Variants in AFG1L observed in about 807,000 individuals in gnomAD.
The protein encoded by AFG1L is AFG1-like ATPase.
A neutral mutation model predicts 62.2 loss-of-function variants in AFG1L; 53 were observed. That is an observed-to-expected ratio of 0.85 (90% confidence interval 0.68 to 1.07). The LOEUF (loss-of-function observed/expected upper bound fraction) is 1.07, where lower values mean the gene tolerates loss of function less well. Among genes scored for constraint, AFG1L ranks in the 50% least tolerant of loss-of-function variants. The probability of loss-of-function intolerance (pLI) is 0.00; values close to 1 mark genes in which losing one functional copy is unlikely to be tolerated. For missense variants in AFG1L, 555 were observed against 590.5 expected, an observed-to-expected ratio of 0.94 and a Z score of 0.62; for synonymous variants, 228 against 210.3, an observed-to-expected ratio of 1.08 and a Z score of -0.73.
chr6:108,465,164 G>A (rs941406212), intron 8 of AFG1L, among the ~76,000 whole-genome samples: 1 of 152,236 alleles, frequency 6.6e-6, no homozygotes, highest in South Asian at 2.1e-4. Flanking sequence ...AAAGCTGAAC[G>A]GGATATTTTC....
In AFG1L at chr6:108,522,662, T is replaced by C. The variant is rs1352659217; in HGVS notation, c.*237T>C. 2 of 306,446 alleles carry C rather than the reference T, an allele frequency of 6.5e-6. No homozygotes were observed. Among genetic ancestry groups the C allele is most frequent in the African/African-American group, 2.2e-5 (1 of 46,494 alleles). The allele number at this position is 306,446 out of a possible 1,614,324, so 19.0% of individuals were successfully genotyped here. Reference sequence around the variant, plus strand: ...TCTGCACCATGAAATTAAAATCATCTCATTCCTGAAGATGAATGTAGGACC... The same window carrying C: ...TCTGCACCATGAAATTAAAATCATCCCATTCCTGAAGATGAATGTAGGACC... On this transcript the variant is annotated 3_prime_UTR_variant, in exon 13 of 13. Transcript: ENST00000368977.
rs1249396609 is a variant in AFG1L, at chr6:108,430,186, G to A, written c.808-17028G>A. On this transcript the variant is annotated intron_variant, in intron 7 of 12. Coordinates refer to ENST00000368977, the MANE Select transcript of AFG1L (RefSeq NM_145315.5). Reference sequence around the variant, plus strand: ...TGATCTCAAACTCCTGACCTCAAATGTTCCACCCGCCTTGGCCTCTAAAGT... The same window carrying A: ...TGATCTCAAACTCCTGACCTCAAATATTCCACCCGCCTTGGCCTCTAAAGT... Among the ~76,000 whole-genome samples the A allele has an allele frequency of 2.6e-5, 4 of 152,228 alleles. 1 individual carries two copies. The highest frequency in any genetic ancestry group is 2.6e-4 in the Admixed American group (4 of 15,278).
At chr6:108,479,477 G>A (rs559675292) in intron 10 of AFG1L, among the ~76,000 whole-genome samples, 33 of 152,296 alleles carry the variant, frequency 2.2e-4, no homozygotes, top group South Asian at 8.3e-4. Context: ...AGGCATTGAC[G>A]TGATAAGTGG....
chr6:108,298,305 A>C (rs1776848705), intron 1 of AFG1L, among the ~76,000 whole-genome samples: 1 of 135,680 alleles, frequency 7.4e-6, no homozygotes, highest in Non-Finnish European at 1.5e-5. Flanking sequence ...TCGCTCTGTC[A>C]CCCAGGCTGT....
At chr6:108,356,856 T>G in intron 5 of AFG1L, 36 bp downstream of exon 5, 2 of 1,543,348 alleles carry the variant, frequency 1.3e-6, no homozygotes, top group Non-Finnish European at 1.8e-6. Context: ...TAGAATGGTA[T>G]ATTGAATGAG....
chr6:108,509,350 A>T (rs1217500183), intron 10 of AFG1L, among the ~76,000 whole-genome samples: 1 of 152,220 alleles, frequency 6.6e-6, no homozygotes, highest in Non-Finnish European at 1.5e-5. Flanking sequence ...TAAGCCCTTC[A>T]GTATTTCCTA....
rs56005804 is a variant in AFG1L, at chr6:108,366,292, C to T, written c.708C>T (p.Asn236=). The change falls in exon 6 of 13, where the codon AAC becomes AAT. Residue 236 remains asparagine (N), a synonymous_variant. Transcript: ENST00000368977. The part of the protein sequence containing the change: ...LKQLFENLFK[N]GVVVVATSNR... Reference sequence around the variant, plus strand: ...AGCTTTTTGAAAATCTGTTCAAAAACGGGGTCGTCGTTGTGGCAACATCCA... The same window carrying T: ...AGCTTTTTGAAAATCTGTTCAAAAATGGGGTCGTCGTTGTGGCAACATCCA... 0.023 allele frequency: 36,982 copies of T among 1,611,564 alleles called. 581 individuals are homozygous for T. The highest frequency in any genetic ancestry group is 0.065 in the Middle Eastern group (391 of 6,050).
At chr6:108,485,656 ATTTTTTTTTT>A (rs397842829) in intron 10 of AFG1L, among the ~76,000 whole-genome samples, 5 of 25,032 alleles carry the variant, frequency 2.0e-4, no homozygotes, top group East Asian at 1.5e-3. Context: ...ATATATATAT[ATTTTTTTTTT>A]TTTTTTTTTT....
chr6:108,478,298 G>C (rs566385521), intron 10 of AFG1L, among the ~76,000 whole-genome samples: 1 of 152,088 alleles, frequency 6.6e-6, no homozygotes, highest in Non-Finnish European at 1.5e-5. Flanking sequence ...TTAGCCGGGC[G>C]TTGTGGCGGG....
chr6:108,489,734 T>C (rs1773705947), intron 10 of AFG1L, among the ~76,000 whole-genome samples: 1 of 152,220 alleles, frequency 6.6e-6, no homozygotes, highest in African/African-American at 2.4e-5. Flanking sequence ...TCAGTCTGAA[T>C]AACCAGAGAA....
intron 10 of AFG1L, among the ~76,000 whole-genome samples, chr6:108,481,586 C>G (rs1436911933): frequency 6.6e-6 from 1 of 151,828 alleles, no homozygotes; most frequent in East Asian, 1.9e-4. Flanking sequence ...TGATCATATA[C>G]TCACAGTAAA....
Position 108,323,332 on chromosome 6 carries a change from TTAAAA to T in AFG1L, c.140-487_140-483del, listed in dbSNP as rs749109320. Reference sequence around the variant, plus strand: ...TGGGTTTGGGGTTTGTTTCCTTTTGTTAAAATAAAACAATTAGAAATATATTCATT... The same window carrying T: ...TGGGTTTGGGGTTTGTTTCCTTTTGTTAAAACAATTAGAAATATATTCATT... On this transcript the variant is annotated intron_variant, in intron 1 of 12. Coordinates refer to ENST00000368977, the MANE Select transcript of AFG1L (RefSeq NM_145315.5). Among the ~76,000 whole-genome samples, 7 of 152,318 alleles carry T rather than the reference TTAAAA, an allele frequency of 4.6e-5. No individual in the cohort carries two copies. In the South Asian group the frequency reaches 6.2e-4, roughly 14 times the overall value.
At chr6:108,453,046 C>G (rs1246727094) in intron 8 of AFG1L, among the ~76,000 whole-genome samples, 1 of 152,172 alleles carries the variant, frequency 6.6e-6, no homozygotes, top group Non-Finnish European at 1.5e-5. Flanking sequence ...TCTCTCCCAA[C>G]AGGGGGCATT....
At chr6:108,456,411 A>T (rs1410421286) in intron 8 of AFG1L, among the ~76,000 whole-genome samples, 1 of 152,018 alleles carries the variant, frequency 6.6e-6, no homozygotes, top group Non-Finnish European at 1.5e-5. Flanking sequence ...GGATATTTAA[A>T]CCATTTACAC....
chr6:108,297,712 G>A (rs192449642), intron 1 of AFG1L, among the ~76,000 whole-genome samples: 1 of 151,630 alleles, frequency 6.6e-6, no homozygotes. Flanking sequence ...AAACTTAGCC[G>A]GGTGTGGTGG....
chr6:108,505,866 A>G (rs1255395838), intron 10 of AFG1L, among the ~76,000 whole-genome samples: 1 of 152,248 alleles, frequency 6.6e-6, no homozygotes, highest in Non-Finnish European at 1.5e-5. Flanking sequence ...GGTGCATTTA[A>G]AGTATCAGAA....
rs978020007 is a variant in AFG1L, at chr6:108,377,057, CT to C, written c.748+10733del. Among the ~76,000 whole-genome samples the C allele has an allele frequency of 2.1e-4, 32 of 151,306 alleles. 1 individual carries two copies. Among genetic ancestry groups the C allele is most frequent in the South Asian group, 2.1e-4 (1 of 4,776 alleles). On this transcript the variant is annotated intron_variant, in intron 6 of 12. Transcript: ENST00000368977. ...AATCTGATAATAAGATTTTTTTGGTCTTTTTTTTCTGCCTTTTTTTTTGGTT... is the reference window on the plus strand; with the variant it reads ...AATCTGATAATAAGATTTTTTTGGTCTTTTTTTCTGCCTTTTTTTTTGGTT...
chr6:108,413,296 A>G (rs1034822852), intron 7 of AFG1L, among the ~76,000 whole-genome samples: 2 of 152,226 alleles, frequency 1.3e-5, no homozygotes, highest in African/African-American at 4.8e-5. Context: ...AAAGAGACTT[A>G]GACTCCCACA....
chr6:108,330,763 C>T (rs1778247599), intron 2 of AFG1L, among the ~76,000 whole-genome samples: 1 of 152,146 alleles, frequency 6.6e-6, no homozygotes. Flanking sequence ...GTACTGACTG[C>T]CCATTTTCGT....
Sources: gnomAD v4.1 joint callset for allele counts (sites outside exome capture counted in the v4.1 genomes callset) on GRCh38, gnomAD v4.1.1 for gene constraint, MANE v1.5 for transcripts, NCBI Gene and HGNC (gene_info 2026-07-23, HGNC 2026-07-21) for gene names.